Variants in VPS4B observed in about 807,000 individuals in gnomAD.
VPS4B encodes the protein vacuolar protein sorting 4 homolog B, also known as vacuolar protein sorting-associated protein 4B.
VPS4B carries 23 observed loss-of-function variants against 56.1 expected under a neutral mutation model. The observed-to-expected ratio is 0.41, with a 90% CI of 0.30 to 0.58. The LOEUF is 0.58. VPS4B is among the 20% of genes least tolerant of loss of function. The probability of loss-of-function intolerance (pLI) is 0.29; values close to 1 mark genes in which losing one functional copy is unlikely to be tolerated. For synonymous variants in VPS4B, 177 were observed against 186.0 expected (o/e 0.95, Z 0.39); for missense variants, 372 against 531.9 (o/e 0.70, Z 2.96).
At chr18:63,398,199 A>G (rs1915715719) in intron 8 of VPS4B, among the ~76,000 whole-genome samples, 1 of 100,184 alleles carries the variant, frequency 1.0e-5, no homozygotes, top group East Asian at 7.1e-4. Flanking sequence ...ATACACACAC[A>G]CACACATATA....
At chr18:63,398,606 G>A (rs1915736574) in intron 8 of VPS4B, among the ~76,000 whole-genome samples, 1 of 151,958 alleles carries the variant, frequency 6.6e-6, no homozygotes, top group African/African-American at 2.4e-5. Flanking sequence ...CGGAGGCTGA[G>A]GCGGGTGGAT....
chr18:63,393,414 A>T lies in VPS4B; in HGVS notation c.1228T>A (p.Ser410Thr). Residue 410 changes from serine (S) to threonine (T), a missense_variant, in exon 10 of 11, where the codon TCC becomes ACC. By Grantham distance (58) the Ser-to-Thr change is moderately conservative. This residue lies in a region of VPS4B where 153 missense variants were observed against 190.9 expected (regional missense o/e 0.80). Transcript: ENST00000238497. ...PGDKLLEPVV[S>T]MSDMLRSLSN... ...AAACAAACAAAATTTCAAACCATGG[A>T]AACAACTGGCTCCAAAAGTTTATCT... is the stretch of plus-strand genomic sequence containing the variant. 1 of 1,589,282 alleles carries T rather than the reference A, an allele frequency of 6.3e-7. No individual in the cohort carries two copies. Among genetic ancestry groups the T allele is most frequent in the South Asian group, 1.2e-5 (1 of 85,772 alleles).
chr18:63,405,935 G>C (rs577658453), intron 4 of VPS4B, among the ~76,000 whole-genome samples: 1 of 151,890 alleles, frequency 6.6e-6, no homozygotes, highest in Admixed American at 6.6e-5. Flanking sequence ...GCAGTAAGCC[G>C]TGATTGCGCC....
intron 1 of VPS4B, among the ~76,000 whole-genome samples, chr18:63,412,862 TG>T (rs1916075610): frequency 1.3e-5 from 2 of 151,888 alleles, no homozygotes; most frequent in Non-Finnish European, 2.9e-5. Flanking sequence ...ACTTAGGATC[TG>T]GGGATGCGCA....
chr18:63,403,743 C>T lies in VPS4B; in HGVS notation c.448G>A (p.Val150Met), dbSNP rs148042910. The change falls in exon 5 of 11, where the codon GTG becomes ATG. Residue 150 changes from valine (V) to methionine (M), a missense_variant. Physicochemically the swap from Val to Met is conservative, Grantham distance 21 (BLOSUM62 1). Around this residue, in one of 3 missense-constraint regions of VPS4B, gnomAD observed 153 missense variants for 190.3 expected, o/e 0.80. Transcript: ENST00000238497. ...EGAKEALKEA[V>M]ILPIKFPHLF... Reference sequence around the variant, plus strand: ...TGAGGAAATTTAATAGGCAGTATCACAGCCTCTTTCAGTGCTTCTTTGGCT... The same window carrying T: ...TGAGGAAATTTAATAGGCAGTATCATAGCCTCTTTCAGTGCTTCTTTGGCT... 2 of 1,613,064 alleles carry T rather than the reference C, an allele frequency of 1.2e-6. No individual in the cohort carries two copies. The highest frequency in any genetic ancestry group is 8.5e-7 in the Non-Finnish European group (1 of 1,179,502).
At chr18:63,398,342 G>A (rs1375609016) in intron 8 of VPS4B, among the ~76,000 whole-genome samples, 2 of 151,772 alleles carry the variant, frequency 1.3e-5, no homozygotes, top group African/African-American at 4.8e-5. Flanking sequence ...AGCTTCCCGA[G>A]TAGCTGGGAC....
chr18:63,422,337 G>A lies in VPS4B; in HGVS notation c.-78C>T. 3.7e-6 allele frequency: 5 copies of A among 1,364,042 alleles called. No individual in the cohort carries two copies. Among genetic ancestry groups the A allele is most frequent in the South Asian group, 1.7e-5 (1 of 59,916 alleles). 84.5% of individuals were successfully genotyped at this position (1,364,042 alleles called of 1,614,324 possible). Reference sequence around the variant, plus strand: ...GCAGCAACGTCGAAGCGCGCACGGGGTAACAGCCCTCAAACTGGGGAGGCC... The same window carrying A: ...GCAGCAACGTCGAAGCGCGCACGGGATAACAGCCCTCAAACTGGGGAGGCC... On this transcript the variant is annotated 5_prime_UTR_variant, in exon 1 of 11. Coordinates refer to ENST00000238497, the MANE Select transcript of VPS4B (RefSeq NM_004869.4).
intron 7 of VPS4B, among the ~76,000 whole-genome samples, chr18:63,399,639 G>C (rs757533303): frequency 6.6e-6 from 1 of 151,976 alleles, no homozygotes; most frequent in Non-Finnish European, 1.5e-5. Flanking sequence ...AGTTGTTCCT[G>C]GTACATTATA....
Position 63,401,810 on chromosome 18 carries a change from T to A in VPS4B, c.485-1107A>T, listed in dbSNP as rs558243517. Among the ~76,000 whole-genome samples the A allele has an allele frequency of 1.8e-4, 27 of 152,182 alleles. 1 individual carries two copies. Among genetic ancestry groups the A allele is most frequent in the Middle Eastern group, 3.4e-3 (1 of 294 alleles). ...GAGCTCGGGACAACTGTGGCCAACA[T>A]GGTGAAACCCTGACTCTAGTAAAAA... On this transcript the variant is annotated intron_variant, in intron 5 of 10. Coordinates refer to ENST00000238497, the MANE Select transcript of VPS4B (RefSeq NM_004869.4).
intron 1 of VPS4B, among the ~76,000 whole-genome samples, chr18:63,412,592 C>T (rs896041430): frequency 2.0e-5 from 3 of 152,182 alleles, no homozygotes; most frequent in Non-Finnish European, 4.4e-5. Flanking sequence ...CATCCATAAG[C>T]ATACACCTAA....
chr18:63,420,727 G>T (rs964716506), intron 1 of VPS4B, among the ~76,000 whole-genome samples: 4 of 152,060 alleles, frequency 2.6e-5, no homozygotes, highest in Non-Finnish European at 5.9e-5. Flanking sequence ...CTGAATCTTA[G>T]TTTAATACAA....
chr18:63,410,499 G>A lies in VPS4B; in HGVS notation c.140-53C>T, dbSNP rs1916016262. On this transcript the variant is annotated intron_variant, in intron 2 of 10. Transcript: ENST00000238497. Reference sequence around the variant, plus strand: ...TTTCCATTAGTATTCTATGTAGAAAGGTTTGAACTCTTAAATATGTATTTT... The same window carrying A: ...TTTCCATTAGTATTCTATGTAGAAAAGTTTGAACTCTTAAATATGTATTTT... The A allele has an allele frequency of 2.5e-6, 4 of 1,576,936 alleles. No individual in the cohort carries two copies. The South Asian group carries it at 3.5e-5, about 14-fold the overall frequency.
At chr18:63,403,292 TCTAA>T (rs1915852102) in intron 5 of VPS4B, among the ~76,000 whole-genome samples, 1 of 152,226 alleles carries the variant, frequency 6.6e-6, no homozygotes, top group Non-Finnish European at 1.5e-5. Flanking sequence ...TCTATGTGAA[TCTAA>T]CTATACTTAC....
At chr18:63,400,278 CTG>C (rs1915780943) in intron 6 of VPS4B, 82 bp from the exon 7 acceptor site, 2 of 1,374,880 alleles carry the variant, frequency 1.5e-6, no homozygotes, top group African/African-American at 3.0e-5. Flanking sequence ...TACAAGAACT[CTG>C]TAGATTAAAA....
chr18:63,422,391 T>TG lies in VPS4B; in HGVS notation c.-133_-132insC. On this transcript the variant is annotated 5_prime_UTR_variant, in exon 1 of 11. Transcript: ENST00000238497. Reference sequence around the variant, plus strand: ...GGTTCTCGGACCGCGAAGGGCAGCCTCCCTTCCGGAACTTGTTTTAGACAA... The same window carrying TG: ...GGTTCTCGGACCGCGAAGGGCAGCCTGCCCTTCCGGAACTTGTTTTAGACAA... 1.2e-6 allele frequency: 1 copy of TG among 801,266 alleles called. No homozygotes were observed. Among genetic ancestry groups the TG allele is most frequent in the Non-Finnish European group, 1.8e-6 (1 of 559,542 alleles). The allele number at this position is 801,266 out of a possible 1,614,324, so 49.6% of individuals were successfully genotyped here.
chr18:63,406,576 TTAGA>T (rs1354160965), intron 4 of VPS4B, among the ~76,000 whole-genome samples: 1 of 152,226 alleles, frequency 6.6e-6, no homozygotes, highest in Non-Finnish European at 1.5e-5. Flanking sequence ...TGAAAAATTG[TTAGA>T]TAATTTATTT....
intron 4 of VPS4B, among the ~76,000 whole-genome samples, chr18:63,405,579 G>GT (rs1406434421): frequency 5.2e-4 from 79 of 151,990 alleles, no homozygotes; most frequent in African/African-American, 1.8e-3. Context: ...TTAAGTATTT[G>GT]GTTTTTTTTC....
At chr18:63,415,255 T>G (rs1352669429) in intron 1 of VPS4B, 1 of 152,764 alleles carries the variant, frequency 6.5e-6, no homozygotes, top group East Asian at 1.9e-4. Context: ...GAGAGCTAAT[T>G]ATTTTATTTT....
chr18:63,393,318 T>C (rs1915596933), intron 10 of VPS4B, 91 bp downstream of exon 10: 1 of 1,268,050 alleles, frequency 7.9e-7, no homozygotes, highest in Non-Finnish European at 1.0e-6. Context: ...CACCTGTTTA[T>C]ACTAAGATTT....
Sources: allele counts gnomAD v4.1 joint callset (sites outside exome capture counted in the v4.1 genomes callset), GRCh38; gene constraint gnomAD v4.1.1; regional missense constraint gnomAD v4.1.1; transcripts MANE v1.5; gene names NCBI Gene and HGNC (gene_info 2026-07-23, HGNC 2026-07-21).